CDIN1: variants seen among roughly 807,000 people sequenced by gnomAD.
CDIN1 encodes CDAN1-interacting nuclease 1.
In CDIN1, 33 loss-of-function variants were observed where a neutral mutation model predicts 45.3. That is an observed-to-expected ratio of 0.73 (90% CI 0.55 to 0.97). CDIN1 has a LOEUF of 0.97. Among genes scored for constraint, CDIN1 ranks in the 50% least tolerant of loss-of-function variants. The pLI, the probability that CDIN1 is intolerant of heterozygous loss-of-function variation, is 0.00. For synonymous variants in CDIN1, 118 were observed against 124.4 expected (o/e 0.95, Z 0.34); for missense variants, 303 against 339.4 (o/e 0.89, Z 0.84).
At chr15:36,635,030 AG>A (rs1210253050) in intron 1 of CDIN1, among the ~76,000 whole-genome samples, 3 of 152,190 alleles carry the variant, frequency 2.0e-5, no homozygotes, top group African/African-American at 7.2e-5. Flanking sequence ...ACAGCTTTAT[AG>A]GGCTAGAGGA....
chr15:36,769,497 G>A (rs2054011588), intron 10 of CDIN1, among the ~76,000 whole-genome samples: 1 of 152,158 alleles, frequency 6.6e-6, no homozygotes, highest in Admixed American at 6.5e-5. Flanking sequence ...CCACGTTACA[G>A]AGGGTACTTT....
At chr15:36,625,404 A>G (rs1305643409) in intron 1 of CDIN1, among the ~76,000 whole-genome samples, 3 of 152,214 alleles carry the variant, frequency 2.0e-5, no homozygotes, top group Admixed American at 6.5e-5. Flanking sequence ...CTAGATGTTC[A>G]TTCACTTATG....
chr15:36,640,068 C>T (rs549146609), intron 1 of CDIN1, among the ~76,000 whole-genome samples: 152 of 152,212 alleles, frequency 1.0e-3, no homozygotes, highest in African/African-American at 3.4e-3. Flanking sequence ...TCAGTAATTT[C>T]CCAGTGTATC....
chr15:36,745,736 C>A (rs189050344), intron 10 of CDIN1, among the ~76,000 whole-genome samples: 2 of 152,094 alleles, frequency 1.3e-5, no homozygotes, highest in East Asian at 3.9e-4. Flanking sequence ...GAGGCCGAGG[C>A]GAGTGAATCA....
At position 36,703,219 on chromosome 15, in the gene CDIN1, A is replaced by AATATATATATATATATATATATATATAT. The variant is rs71126233; in HGVS notation, c.544+5843_544+5844insATATATATATATATATATATATATATAT. On this transcript the variant is annotated intron_variant, in intron 8 of 10. Coordinates refer to ENST00000566621, the MANE Select transcript of CDIN1 (RefSeq NM_001321759.2). The stretch of plus-strand genomic sequence containing the variant: ...GGCAATAGAGTGAGACCCTGTCTCA[A>AATATATATATATATATATATATATATAT]ATATATATATATATCAGATATATAT... Among the ~76,000 whole-genome samples the AATATATATATATATATATATATATATAT allele has an allele frequency of 1.4e-4, 8 of 57,370 alleles. 2 individuals are homozygous for AATATATATATATATATATATATATATAT. The highest frequency in any genetic ancestry group is 2.0e-4 in the Non-Finnish European group (6 of 29,822). The allele number at this position is 57,370 out of a possible 152,430, so 37.6% of individuals were successfully genotyped here.
At chr15:36,713,190 T>G (rs568145215) in intron 10 of CDIN1, among the ~76,000 whole-genome samples, 20 of 152,250 alleles carry the variant, frequency 1.3e-4, no homozygotes, top group African/African-American at 4.6e-4. Context: ...TGGGTCAGTT[T>G]GAATGAAAAT....
intron 1 of CDIN1, among the ~76,000 whole-genome samples, chr15:36,637,868 A>G (rs558201838): frequency 2.6e-4 from 39 of 152,318 alleles, no homozygotes; most frequent in African/African-American, 8.9e-4. Flanking sequence ...CAGACAGGCA[A>G]AACTAACCTG....
At chr15:36,754,562 C>A (rs1211977037) in intron 10 of CDIN1, among the ~76,000 whole-genome samples, 3 of 126,272 alleles carry the variant, frequency 2.4e-5, no homozygotes, top group South Asian at 2.6e-4. Context: ...TTGATGGTCT[C>A]TCTTAAAAAA....
chr15:36,804,844 T>TTTA (rs914066545), intron 10 of CDIN1, among the ~76,000 whole-genome samples: 12 of 151,708 alleles, frequency 7.9e-5, no homozygotes, highest in African/African-American at 2.7e-4. Context: ...GGCTAATTTT[T>TTTA]TTATATCTTT....
intron 10 of CDIN1, chr15:36,799,672 A>G (rs1426089214): frequency 1.3e-5 from 2 of 152,186 alleles, no homozygotes; most frequent in African/African-American, 4.8e-5. Flanking sequence ...TTACTCTGAA[A>G]ATGTGAAGAG....
chr15:36,737,870 A>G (rs530735766), intron 10 of CDIN1, among the ~76,000 whole-genome samples: 26 of 152,348 alleles, frequency 1.7e-4, no homozygotes, highest in African/African-American at 6.3e-4. Context: ...TAATAAAGAT[A>G]ATATTGTTCA....
chr15:36,783,456 A>G (rs2054404376), intron 10 of CDIN1, among the ~76,000 whole-genome samples: 1 of 152,064 alleles, frequency 6.6e-6, no homozygotes, highest in African/African-American at 2.4e-5. Flanking sequence ...TATATGCCCA[A>G]TATTTAAGCA....
At chr15:36,770,662 C>T (rs921876354) in intron 10 of CDIN1, among the ~76,000 whole-genome samples, 3 of 152,018 alleles carry the variant, frequency 2.0e-5, no homozygotes, top group African/African-American at 7.3e-5. Context: ...GTTGGCCAGG[C>T]GGTCTCAAAC....
chr15:36,697,260 G>T, intron 7 of CDIN1, 63 bp from the exon 8 acceptor site: 3 of 1,390,024 alleles, frequency 2.2e-6, no homozygotes, highest in South Asian at 1.2e-5. Flanking sequence ...TATAGACCTG[G>T]TATTAGCGTT....
chr15:36,697,209 C>T, intron 7 of CDIN1, 114 bp from the exon 8 acceptor site: 1 of 798,638 alleles, frequency 1.3e-6, no homozygotes. Context: ...AGATTTCATT[C>T]CTCCAAGATG....
intron 5 of CDIN1, among the ~76,000 whole-genome samples, chr15:36,677,665 C>T (rs1336783343): frequency 6.6e-6 from 1 of 152,118 alleles, no homozygotes; most frequent in Non-Finnish European, 1.5e-5. Context: ...GATTGATACA[C>T]AATATGAGTT....
Position 36,809,138 on chromosome 15 carries a change from T to C in CDIN1, c.*685T>C. The C allele has an allele frequency of 3.0e-6, 1 of 329,132 alleles. No homozygotes were observed. Among genetic ancestry groups the C allele is most frequent in the Admixed American group, 4.1e-5 (1 of 24,336 alleles). 20.4% of individuals were successfully genotyped at this position (329,132 alleles called of 1,614,324 possible). ...GAATTTCCTCTTTTAATAATGTTAT[T>C]TGAACACCACATATTTTAGATTTAT... On this transcript the variant is annotated 3_prime_UTR_variant, in exon 11 of 11. Coordinates refer to ENST00000566621, the MANE Select transcript of CDIN1 (RefSeq NM_001321759.2).
At chr15:36,626,699 G>A in intron 1 of CDIN1, 2 of 423,392 alleles carry the variant, frequency 4.7e-6, no homozygotes, top group South Asian at 1.8e-5. Context: ...GTGGGAGGAG[G>A]TGCTATTCTG....
intron 8 of CDIN1, among the ~76,000 whole-genome samples, chr15:36,704,054 G>A (rs1595496075): frequency 6.6e-6 from 1 of 152,096 alleles, no homozygotes. Flanking sequence ...CATCTACAAC[G>A]AAAAGGATTT....
Sources: gnomAD v4.1 joint callset for allele counts (sites outside exome capture counted in the v4.1 genomes callset) on GRCh38, gnomAD v4.1.1 for gene constraint, MANE v1.5 for transcripts, NCBI Gene and HGNC (gene_info 2026-07-23, HGNC 2026-07-21) for gene names.